The following OAS1 variants were observed in gnomAD, a reference collection of about 807,000 sequenced individuals.
OAS1 encodes the protein 2'-5'-oligoadenylate synthase 1.
OAS1 carries 24 observed loss-of-function variants against 38.5 expected under a neutral mutation model. The observed-to-expected ratio is 0.62, with a 90% CI of 0.45 to 0.88. The LOEUF (loss-of-function observed/expected upper bound fraction) is 0.88. OAS1 is among the 40% of genes least tolerant of loss of function. The pLI is 0.00. For missense variants in OAS1, 482 were observed against 493.9 expected, an observed-to-expected ratio of 0.98 and a Z score of 0.23; for synonymous variants, 169 against 193.9, an observed-to-expected ratio of 0.87 and a Z score of 1.07.
Position 112,915,458 on chromosome 12 carries a change from A to G in OAS1, c.655-1051A>G, listed in dbSNP as rs142258765. Among the ~76,000 whole-genome samples, 409 of 152,272 alleles carry G rather than the reference A, an allele frequency of 2.7e-3. 1 individual carries two copies. The highest frequency in any genetic ancestry group is 9.4e-3 in the African/African-American group (392 of 41,562). Reference sequence around the variant, plus strand: ...GTTTGGCTTTATTTCTGGGTTATCTATTCTGTTCCATTTGTCTACGTGACT... The same window carrying G: ...GTTTGGCTTTATTTCTGGGTTATCTGTTCTGTTCCATTTGTCTACGTGACT... On this transcript the variant is annotated intron_variant, in intron 3 of 5. Coordinates refer to ENST00000202917, the MANE Select transcript of OAS1 (RefSeq NM_016816.4).
chr12:112,920,918 G>A (rs1348046268), downstream of OAS1, among the ~76,000 whole-genome samples: 1 of 152,188 alleles, frequency 6.6e-6, no homozygotes, highest in Admixed American at 6.5e-5. Flanking sequence ...TCACCCAGCT[G>A]GTCAGGGGCA....
intron 3 of OAS1, among the ~76,000 whole-genome samples, chr12:112,915,062 GT>G (rs1049399936): frequency 3.3e-5 from 5 of 152,050 alleles, no homozygotes; most frequent in Non-Finnish European, 7.4e-5. Context: ...CTCCCATTCT[GT>G]GGGTTGTCTG....
chr12:112,911,064 C>T lies in OAS1; in HGVS notation c.483C>T (p.Gly161=), dbSNP rs765576317. ...TTGCCCGAACAGGTCAGTTGACTGG[C>T]GGCTATAAACCTAACCCCCAAATCT... ...PAFDALGQLT[G]GYKPNPQIYV... is the part of the protein sequence containing the mutation. The change falls in exon 3 of 6, where the codon GGC becomes GGT. Residue 161 remains glycine (G), a synonymous_variant. Coordinates refer to ENST00000202917, the MANE Select transcript of OAS1 (RefSeq NM_016816.4). 2 of 1,613,420 alleles carry T rather than the reference C, an allele frequency of 1.2e-6. No individual in the cohort carries two copies. The highest frequency in any genetic ancestry group is 8.5e-7 in the Non-Finnish European group (1 of 1,179,638).
chr12:112,915,482 C>T (rs1324207063), intron 3 of OAS1, among the ~76,000 whole-genome samples: 1 of 152,172 alleles, frequency 6.6e-6, no homozygotes, highest in Non-Finnish European at 1.5e-5. Flanking sequence ...GTCTACGTGA[C>T]TATTTTTATA....
chr12:112,907,391 T>C lies in OAS1; in HGVS notation c.180+172T>C, dbSNP rs370899715. Among the ~76,000 whole-genome samples, 54 of 152,354 alleles carry C rather than the reference T, an allele frequency of 3.5e-4. 3 individuals are homozygous for C. The highest frequency in any genetic ancestry group is 2.3e-3 in the South Asian group (11 of 4,826). On this transcript the variant is annotated intron_variant, in intron 1 of 5. Transcript: ENST00000202917. ...TGGTTTCTTATTTATCCACACAGCA[T>C]GTTAAAATAGATTCTGGGGTGAAAT...
intron 1 of OAS1, among the ~76,000 whole-genome samples, chr12:112,908,070 G>A (rs1355389245): frequency 6.6e-6 from 1 of 152,170 alleles, no homozygotes; most frequent in Non-Finnish European, 1.5e-5. Context: ...CACTCCCTGC[G>A]CCAGTTTCAG....
At chr12:112,930,383 C>T (rs1412082165) in intron 6 of OAS1, among the ~76,000 whole-genome samples, 2 of 152,238 alleles carry the variant, frequency 1.3e-5, no homozygotes, top group African/African-American at 4.8e-5. Context: ...AAGTGACCTG[C>T]CCAAGGGCAC....
chr12:112,918,436 G>A (rs538046476), intron 5 of OAS1: 50 of 317,176 alleles, frequency 1.6e-4, no homozygotes, highest in African/African-American at 7.1e-4. Context: ...ATTGTGAATC[G>A]TACTGCGATA....
downstream of OAS1, among the ~76,000 whole-genome samples, chr12:112,921,306 T>A (rs1316683416): frequency 6.6e-6 from 1 of 152,244 alleles, no homozygotes; most frequent in Non-Finnish European, 1.5e-5. Flanking sequence ...TCCATGCTGA[T>A]AGGCAAGTGT....
chr12:112,916,172 T>TG (rs2043451369), intron 3 of OAS1, among the ~76,000 whole-genome samples: 3 of 152,214 alleles, frequency 2.0e-5, no homozygotes, highest in Non-Finnish European at 2.9e-5. Flanking sequence ...GTCTAAGTCA[T>TG]CTACTTAGAA....
In OAS1 at chr12:112,919,468, A is replaced by G; in HGVS notation, c.1118A>G (p.Tyr373Cys). Residue 373 changes from tyrosine (Y) to cysteine (C), a missense_variant, in exon 6 of 6, where the codon TAC becomes TGC. Physicochemically the swap from Tyr to Cys is radical, Grantham distance 194 (BLOSUM62 -2). Coordinates refer to ENST00000202917, the MANE Select transcript of OAS1 (RefSeq NM_016816.4). ...QKYGYIGTHEYPHFSHRPSTL... is the reference protein window; with the variant it reads ...QKYGYIGTHECPHFSHRPSTL... ...TATGGTTACATTGGAACACATGAGT[A>G]CCCTCATTTCTCTCATAGACCCAGC... is the stretch of plus-strand genomic sequence containing the variant. 2 of 1,614,018 alleles carry G rather than the reference A, an allele frequency of 1.2e-6. No individual in the cohort carries two copies. The highest frequency in any genetic ancestry group is 1.7e-6 in the Non-Finnish European group (2 of 1,179,916).
chr12:112,919,776 T>C lies in OAS1; in HGVS notation c.*223T>C, dbSNP rs1294746052. 1 of 1,438,652 alleles carries C rather than the reference T, an allele frequency of 7.0e-7. No individual in the cohort carries two copies. Among genetic ancestry groups the C allele is most frequent in the Non-Finnish European group, 9.2e-7 (1 of 1,087,364 alleles). 89.1% of individuals were successfully genotyped at this position (1,438,652 alleles called of 1,614,324 possible). ...TCATTCCACCTATTCTCTGAAAATATTCCCTGAGAGAGAACAGAGAGATTT... is the reference window on the plus strand; with the variant it reads ...TCATTCCACCTATTCTCTGAAAATACTCCCTGAGAGAGAACAGAGAGATTT... On this transcript the variant is annotated 3_prime_UTR_variant, in exon 6 of 6. Transcript: ENST00000202917.
chr12:112,923,859 C>T (rs1032754845), downstream of OAS1, among the ~76,000 whole-genome samples: 7 of 151,688 alleles, frequency 4.6e-5, no homozygotes, highest in Non-Finnish European at 1.0e-4. Context: ...TGAATGTCCA[C>T]ATGCAAAAGA....
At chr12:112,908,099 G>A (rs1247018542) in intron 1 of OAS1, among the ~76,000 whole-genome samples, 1 of 152,184 alleles carries the variant, frequency 6.6e-6, no homozygotes, top group African/African-American at 2.4e-5. Context: ...CTCCTCCAGG[G>A]CCCAGCCTTG....
chr12:112,925,725 G>A (rs2043554609), intron 6 of OAS1, among the ~76,000 whole-genome samples: 1 of 152,182 alleles, frequency 6.6e-6, no homozygotes, highest in Non-Finnish European at 1.5e-5. Context: ...AGTCAAGGCT[G>A]CAGTGAGCCA....
chr12:112,919,301 A>G, intron 5 of OAS1, 88 bp from the exon 6 acceptor site: 1 of 1,214,740 alleles, frequency 8.2e-7, no homozygotes, highest in South Asian at 1.4e-5. Flanking sequence ...TCCAGATGGC[A>G]TGTCACAGTG....
At chr12:112,918,787 G>T (rs1192751313) in intron 5 of OAS1, 3 of 345,156 alleles carry the variant, frequency 8.7e-6, no homozygotes, top group Non-Finnish European at 1.8e-5. Context: ...GACTTGGGTT[G>T]TCACACAGCT....
intron 6 of OAS1, among the ~76,000 whole-genome samples, chr12:112,926,105 C>G (rs1194139683): frequency 6.6e-6 from 1 of 152,092 alleles, no homozygotes; most frequent in Non-Finnish European, 1.5e-5. Flanking sequence ...TTATAATTAT[C>G]CAATAAATGA....
chr12:112,923,851 A>T (rs2043544573), downstream of OAS1, among the ~76,000 whole-genome samples: 4 of 152,240 alleles, frequency 2.6e-5, no homozygotes, highest in South Asian at 8.3e-4. Context: ...TGGAAAGCTG[A>T]ATGTCCACAT....
Sources: gnomAD v4.1 joint callset for allele counts (sites outside exome capture counted in the v4.1 genomes callset) on GRCh38, gnomAD v4.1.1 for gene constraint, MANE v1.5 for transcripts, NCBI Gene and HGNC (gene_info 2026-07-23, HGNC 2026-07-21) for gene names.